Variants in KCNT1 observed in about 807,000 individuals in gnomAD.
KCNT1 encodes potassium sodium-activated channel subfamily T member 1, also known as potassium channel subfamily T member 1.
Under a neutral mutation model 147.8 loss-of-function variants are expected in KCNT1, and 78 were observed. The observed-to-expected ratio is 0.53, with a 90% CI of 0.44 to 0.64. The LOEUF is 0.64. Ranked by LOEUF, KCNT1 falls within the 30% of genes least tolerant of loss-of-function variation. KCNT1 has a pLI of 0.00. For missense variants in KCNT1, 1,419 were observed against 1,750.3 expected, an observed-to-expected ratio of 0.81 and a Z score of 3.38; for synonymous variants, 867 against 748.8, an observed-to-expected ratio of 1.16 and a Z score of -2.58.
At chr9:135,735,084 A>G (rs867261723) in intron 2 of KCNT1, among the ~76,000 whole-genome samples, 2 of 152,100 alleles carry the variant, frequency 1.3e-5, no homozygotes, top group African/African-American at 2.4e-5. Flanking sequence ...GTGCTCCCCA[A>G]CACCAGGGGC....
rs1375609362 is a variant in KCNT1 at position 135,792,753 on chromosome 9, TGA to T, written c.*596_*597del. On this transcript the variant is annotated 3_prime_UTR_variant, in exon 31 of 31. Coordinates refer to ENST00000371757, the MANE Select transcript of KCNT1 (RefSeq NM_020822.3). ...AAAGGGCCCGGGGAAGCCGGGCATG[TGA>T]GAGGGGTGCGTCCCCAGGTCCCCCA... The T allele has an allele frequency of 6.6e-6, 1 of 152,330 alleles. No homozygotes were observed. Among genetic ancestry groups the T allele is most frequent in the Non-Finnish European group, 1.5e-5 (1 of 68,142 alleles). The allele number at this position is 152,330 out of a possible 1,614,324, so 9.4% of individuals were successfully genotyped here.
At chr9:135,738,944 G>A (rs1328056593) in intron 2 of KCNT1, among the ~76,000 whole-genome samples, 1 of 152,102 alleles carries the variant, frequency 6.6e-6, no homozygotes, top group African/African-American at 2.4e-5. Context: ...GTGCCCAATG[G>A]GGGGACAGGG....
intron 2 of KCNT1, among the ~76,000 whole-genome samples, chr9:135,747,769 T>C (rs1030464503): frequency 2.0e-5 from 3 of 152,062 alleles, no homozygotes; most frequent in African/African-American, 7.2e-5. Flanking sequence ...CAGACGCCAC[T>C]GGTCTGTGGG....
chr9:135,739,308 G>C (rs941822056), intron 2 of KCNT1, among the ~76,000 whole-genome samples: 2 of 152,100 alleles, frequency 1.3e-5, no homozygotes, highest in African/African-American at 4.8e-5. Flanking sequence ...CAGTTCTCCT[G>C]CCACTGTGCC....
chr9:135,751,578 C>T (rs1307757844), intron 4 of KCNT1, among the ~76,000 whole-genome samples: 1 of 152,186 alleles, frequency 6.6e-6, no homozygotes, highest in Non-Finnish European at 1.5e-5. Context: ...GCAGCAGCCG[C>T]GATGAGGGTG....
At chr9:135,725,892 G>A (rs1295334360) in intron 2 of KCNT1, among the ~76,000 whole-genome samples, 2 of 143,762 alleles carry the variant, frequency 1.4e-5, no homozygotes, top group Non-Finnish European at 3.1e-5. Context: ...CCTCCCACCC[G>A]CCCTGGGAGC....
intron 17 of KCNT1, 101 bp downstream of exon 17, chr9:135,770,548 GC>G: frequency 7.1e-7 from 1 of 1,411,428 alleles, no homozygotes; most frequent in Non-Finnish European, 9.6e-7. Context: ...CTGGGGCGGG[GC>G]TGCAGAGGGC....
At chr9:135,744,781 G>C (rs1342753417) in intron 2 of KCNT1, among the ~76,000 whole-genome samples, 9 of 152,224 alleles carry the variant, frequency 5.9e-5, no homozygotes, top group Admixed American at 6.5e-5. Context: ...CACCCCAGGG[G>C]GTACACAAGG....
Position 135,706,536 on chromosome 9 carries a change from G to A in KCNT1, c.110+4168G>A, listed in dbSNP as rs555719548. Among the ~76,000 whole-genome samples, 46 of 152,292 alleles carry A rather than the reference G, an allele frequency of 3.0e-4. No individual in the cohort carries two copies. The South Asian group carries it at 7.9e-3, about 26-fold the overall frequency. ...TCCTGCCAGGCACCACTCAGGCCTCGGAGGCTGAGACACAGCTGGCCCCTT... is the reference window on the plus strand; with the variant it reads ...TCCTGCCAGGCACCACTCAGGCCTCAGAGGCTGAGACACAGCTGGCCCCTT... On this transcript the variant is annotated intron_variant, in intron 1 of 30. Transcript: ENST00000371757.
chr9:135,705,113 A>G (rs1446169927), intron 1 of KCNT1, among the ~76,000 whole-genome samples: 2 of 152,188 alleles, frequency 1.3e-5, no homozygotes, highest in East Asian at 3.9e-4. Flanking sequence ...ATTAACACAG[A>G]AAATTACTTG....
intron 12 of KCNT1, 100 bp from the exon 13 acceptor site, chr9:135,765,523 AG>A: frequency 7.7e-7 from 1 of 1,291,598 alleles, no homozygotes; most frequent in Non-Finnish European, 1.1e-6. Context: ...AGTGAGCTCT[AG>A]GGCCCAGAGG....
chr9:135,791,919 G>C, intron 30 of KCNT1, 38 bp downstream of exon 30: 2 of 1,611,468 alleles, frequency 1.2e-6, no homozygotes, highest in Non-Finnish European at 1.7e-6. Context: ...GACCCCCCCT[G>C]AGCACCAGGT....
intron 2 of KCNT1, among the ~76,000 whole-genome samples, chr9:135,731,987 TATATAG>T (rs1228834316): frequency 1.0e-3 from 22 of 21,848 alleles, no homozygotes; most frequent in African/African-American, 3.0e-3. Flanking sequence ...TATATATATA[TATATAG>T]AGAGAGAGAG....
intron 2 of KCNT1, among the ~76,000 whole-genome samples, chr9:135,745,268 G>A (rs537022377): frequency 1.3e-5 from 2 of 152,214 alleles, no homozygotes; most frequent in Non-Finnish European, 2.9e-5. Context: ...CCCTGTGGGC[G>A]GCTCCCCACG....
intron 10 of KCNT1, 116 bp downstream of exon 10, chr9:135,758,624 C>A: frequency 1.2e-6 from 1 of 836,700 alleles, no homozygotes; most frequent in South Asian, 1.5e-5. Flanking sequence ...CAGAAAAGGC[C>A]ACAGTGCCTG....
intron 2 of KCNT1, chr9:135,736,708 G>A: frequency 2.8e-6 from 1 of 360,410 alleles, no homozygotes; most frequent in Non-Finnish European, 5.0e-6. Flanking sequence ...CGGCGCCGCA[G>A]CCCCCGAGGA....
At chr9:135,744,278 G>A (rs940709314) in intron 2 of KCNT1, among the ~76,000 whole-genome samples, 3 of 152,248 alleles carry the variant, frequency 2.0e-5, no homozygotes, top group African/African-American at 4.8e-5. Flanking sequence ...GGCCTCTGCC[G>A]ACCCCATTTG....
At chr9:135,758,327 C>T in intron 9 of KCNT1, 87 bp from the exon 10 acceptor site, 1 of 1,011,500 alleles carries the variant, frequency 9.9e-7, no homozygotes, top group Non-Finnish European at 1.5e-6. Context: ...GGGCCGTCTG[C>T]TTTCCACTGT....
intron 11 of KCNT1, among the ~76,000 whole-genome samples, chr9:135,764,055 A>G (rs1832090855): frequency 6.6e-6 from 1 of 152,192 alleles, no homozygotes; most frequent in East Asian, 1.9e-4. Flanking sequence ...CACCGGAACA[A>G]AGCAGGCGCT....
Sources: allele counts gnomAD v4.1 joint callset (sites outside exome capture counted in the v4.1 genomes callset), GRCh38; gene constraint gnomAD v4.1.1; transcripts MANE v1.5; gene names NCBI Gene and HGNC (gene_info 2026-07-23, HGNC 2026-07-21).